The following ARHGAP10 variants were observed in gnomAD, a reference collection of about 807,000 sequenced individuals.
The protein encoded by ARHGAP10 is Rho GTPase activating protein 10.
ARHGAP10 carries 87 observed loss-of-function variants against 108.6 expected under a neutral mutation model. That is an observed-to-expected ratio of 0.80 (90% CI 0.67 to 0.96). ARHGAP10 has a LOEUF of 0.96. Ranked by LOEUF, ARHGAP10 falls within the 40% of genes least tolerant of loss-of-function variation. ARHGAP10 has a pLI of 0.00. For missense variants in ARHGAP10, 939 were observed against 954.5 expected, an observed-to-expected ratio of 0.98 and a Z score of 0.21; for synonymous variants, 347 against 341.1, an observed-to-expected ratio of 1.02 and a Z score of -0.19.
chr4:147,880,910 A>T (rs979543706), intron 9 of ARHGAP10, among the ~76,000 whole-genome samples: 2 of 126 alleles, frequency 0.016, no homozygotes, highest in African/African-American at 0.056. Flanking sequence ...TTTTACACTA[A>T]AAAAAAGAGT....
chr4:147,990,590 A>G (rs951456739), intron 18 of ARHGAP10, among the ~76,000 whole-genome samples: 6 of 152,196 alleles, frequency 3.9e-5, no homozygotes, highest in Admixed American at 3.9e-4. Context: ...GCACATATAC[A>G]CCATGGAGTA....
At chr4:148,019,163 C>T (rs1165672073) in intron 18 of ARHGAP10, among the ~76,000 whole-genome samples, 3 of 152,148 alleles carry the variant, frequency 2.0e-5, no homozygotes, top group Non-Finnish European at 1.5e-5. Flanking sequence ...TTTTCCAGAG[C>T]ACTTTAGAAT....
intron 13 of ARHGAP10, among the ~76,000 whole-genome samples, chr4:147,936,927 T>C (rs1737974463): frequency 6.6e-6 from 1 of 152,162 alleles, no homozygotes; most frequent in Admixed American, 6.5e-5. Context: ...CAGCTCCGCC[T>C]CCTGTCAGAT....
chr4:148,046,621 C>T (rs190834016), intron 19 of ARHGAP10, among the ~76,000 whole-genome samples: 80 of 152,242 alleles, frequency 5.3e-4, no homozygotes, highest in African/African-American at 1.9e-3. Flanking sequence ...GTCATTGTGG[C>T]TGCCATTATG....
chr4:147,766,974 A>G (rs979626896), intron 1 of ARHGAP10, among the ~76,000 whole-genome samples: 1 of 151,128 alleles, frequency 6.6e-6, no homozygotes, highest in Non-Finnish European at 1.5e-5. Context: ...TCAGCCTCCA[A>G]AGTAGCTGGG....
intron 18 of ARHGAP10, among the ~76,000 whole-genome samples, chr4:147,993,699 C>G (rs1441390797): frequency 6.6e-6 from 1 of 152,174 alleles, no homozygotes; most frequent in Non-Finnish European, 1.5e-5. Flanking sequence ...TTAAAGACTT[C>G]GTGTACTAAG....
At chr4:147,933,190 G>A (rs1234032089) in intron 13 of ARHGAP10, among the ~76,000 whole-genome samples, 1 of 152,108 alleles carries the variant, frequency 6.6e-6, no homozygotes, top group Non-Finnish European at 1.5e-5. Context: ...TGTTAGGTGA[G>A]GCCATATTTC....
At chr4:147,836,958 C>T (rs759777258) in intron 3 of ARHGAP10, among the ~76,000 whole-genome samples, 1 of 152,078 alleles carries the variant, frequency 6.6e-6, no homozygotes, top group African/African-American at 2.4e-5. Flanking sequence ...CTAGTTAGGG[C>T]AGAGCCAAAA....
At chr4:148,005,044 A>G (rs1248925781) in intron 18 of ARHGAP10, among the ~76,000 whole-genome samples, 1 of 152,182 alleles carries the variant, frequency 6.6e-6, no homozygotes, top group Non-Finnish European at 1.5e-5. Flanking sequence ...TAAAAAAAGA[A>G]TCTCATGCCA....
intron 1 of ARHGAP10, among the ~76,000 whole-genome samples, chr4:147,817,844 A>G (rs1732318170): frequency 1.3e-5 from 2 of 152,222 alleles, no homozygotes; most frequent in African/African-American, 4.8e-5. Flanking sequence ...CACAATACTC[A>G]GGAATTAGCA....
intron 10 of ARHGAP10, among the ~76,000 whole-genome samples, chr4:147,888,159 T>C (rs1735645650): frequency 6.6e-6 from 1 of 152,224 alleles, no homozygotes. Flanking sequence ...CCCAGACCCC[T>C]GGATGTTGGA....
chr4:148,025,737 TA>T (rs1454171435), intron 19 of ARHGAP10, among the ~76,000 whole-genome samples: 1 of 152,194 alleles, frequency 6.6e-6, no homozygotes, highest in Non-Finnish European at 1.5e-5. Context: ...CATTACGACT[TA>T]ATTTTTTTTA....
chr4:148,064,435 C>T lies in ARHGAP10; in HGVS notation c.2200C>T (p.Arg734Ter), dbSNP rs761008085. 6 of 1,613,918 alleles carry T rather than the reference C, an allele frequency of 3.7e-6. No homozygotes were observed. Among genetic ancestry groups the T allele is most frequent in the Middle Eastern group, 1.6e-4 (1 of 6,062 alleles). The change falls in exon 22 of 23, where the codon CGA (arginine) becomes TGA (stop). Residue 734 changes from arginine to a stop codon, truncating the protein, a stop_gained. Coordinates refer to ENST00000336498, the MANE Select transcript of ARHGAP10 (RefSeq NM_024605.4). LOFTEE classifies it high-confidence loss of function. ...TTTCAGCATCCGCAGTCGGAAGGCT[C>T]GAGCCGTGTATCCGTGTGAAGCAGA... Reference protein sequence around the residue: ...PPESIRSRKARAVYPCEAEHS... With the variant: ...PPESIRSRKA
Position 147,911,995 on chromosome 4 carries a change from GTGTGTGTGT to G in ARHGAP10, c.1163-1078_1163-1070del, listed in dbSNP as rs1736760736. Among the ~76,000 whole-genome samples the G allele has an allele frequency of 1.7e-4, 3 of 17,408 alleles. No individual in the cohort carries two copies. In the Non-Finnish European group the frequency reaches 3.9e-3, roughly 22 times the overall value. 11.4% of individuals were successfully genotyped at this position (17,408 alleles called of 152,430 possible). A position where few individuals can be genotyped will look rare whatever the true frequency, so the allele number is the denominator to read the frequency against. On this transcript the variant is annotated intron_variant, in intron 12 of 22. Coordinates refer to ENST00000336498, the MANE Select transcript of ARHGAP10 (RefSeq NM_024605.4). ...TCTCAAGTAATTTAAGAACATTCAC[GTGTGTGTGT>G]GTGTGTGTGTGTGTGTGTGTGTGTG... is the stretch of plus-strand genomic sequence containing the variant.
At chr4:147,915,944 A>C (rs559370744) in intron 13 of ARHGAP10, among the ~76,000 whole-genome samples, 1 of 152,204 alleles carries the variant, frequency 6.6e-6, no homozygotes, top group East Asian at 1.9e-4. Flanking sequence ...TCTGTATAAA[A>C]ATTTTTTTAA....
At chr4:147,990,690 CAT>C (rs1491166925) in intron 18 of ARHGAP10, among the ~76,000 whole-genome samples, 1 of 152,144 alleles carries the variant, frequency 6.6e-6, no homozygotes, top group Non-Finnish European at 1.5e-5. Flanking sequence ...AAAATTATCA[CAT>C]GTTCTTACTT....
At chr4:147,943,304 C>T (rs1310071274) in intron 14 of ARHGAP10, among the ~76,000 whole-genome samples, 1 of 152,186 alleles carries the variant, frequency 6.6e-6, no homozygotes, top group Non-Finnish European at 1.5e-5. Flanking sequence ...CATAAAACCA[C>T]AGAAAACAAG....
intron 21 of ARHGAP10, among the ~76,000 whole-genome samples, chr4:148,064,146 A>C (rs886694211): frequency 1.3e-5 from 2 of 152,206 alleles, no homozygotes; most frequent in African/African-American, 4.8e-5. Flanking sequence ...AGGGCATCCC[A>C]CCAGGTAGGG....
At chr4:147,741,943 C>T (rs1358165540) in intron 1 of ARHGAP10, among the ~76,000 whole-genome samples, 1 of 152,118 alleles carries the variant, frequency 6.6e-6, no homozygotes, top group Non-Finnish European at 1.5e-5. Context: ...CTAGAATTTC[C>T]TCCCTGTGTT....
Sources: allele counts gnomAD v4.1 joint callset (sites outside exome capture counted in the v4.1 genomes callset), GRCh38; gene constraint gnomAD v4.1.1; transcripts MANE v1.5; gene names NCBI Gene and HGNC (gene_info 2026-07-23, HGNC 2026-07-21).